ARHGAP44: variants seen among roughly 807,000 people sequenced by gnomAD.
The protein encoded by ARHGAP44 is rho GTPase-activating protein 44.
Under a neutral mutation model 106.8 loss-of-function variants are expected in ARHGAP44, and 43 were observed. That is an observed-to-expected ratio of 0.40 (90% CI 0.32 to 0.52). The LOEUF is 0.52. ARHGAP44 is among the 20% of genes least tolerant of loss of function. ARHGAP44 has a pLI of 0.48. For synonymous variants in ARHGAP44, 439 were observed against 410.3 expected (o/e 1.07, Z -0.85); for missense variants, 866 against 1,050.5 (o/e 0.82, Z 2.43).
chr17:12,886,103 C>T (rs188167807), intron 1 of ARHGAP44, among the ~76,000 whole-genome samples: 10 of 152,206 alleles, frequency 6.6e-5, no homozygotes, highest in African/African-American at 2.2e-4. Context: ...TATCCTTCCT[C>T]CATTGAATTG....
At chr17:12,813,503 A>G (rs1022525451) in intron 1 of ARHGAP44, among the ~76,000 whole-genome samples, 20 of 152,228 alleles carry the variant, frequency 1.3e-4, no homozygotes, top group African/African-American at 4.1e-4. Context: ...CTGTATGCAC[A>G]TAAACATGCA....
At chr17:12,905,100 G>C (rs1248445048) in intron 3 of ARHGAP44, among the ~76,000 whole-genome samples, 1 of 148,418 alleles carries the variant, frequency 6.7e-6, no homozygotes, top group Admixed American at 6.8e-5. Context: ...TTTTAGAAGA[G>C]ACGGGGTTTC....
At chr17:12,821,194 G>A (rs569660597) in intron 1 of ARHGAP44, among the ~76,000 whole-genome samples, 3 of 152,284 alleles carry the variant, frequency 2.0e-5, no homozygotes, top group African/African-American at 7.2e-5. Context: ...GGACAGTTGT[G>A]CAACTCAGCA....
chr17:12,925,800 A>G (rs989350777), intron 6 of ARHGAP44, among the ~76,000 whole-genome samples: 1 of 152,216 alleles, frequency 6.6e-6, no homozygotes, highest in African/African-American at 2.4e-5. Flanking sequence ...CCTCTGACAG[A>G]GCAGCCCAAC....
chr17:12,850,090 A>G (rs1456392250), intron 1 of ARHGAP44, among the ~76,000 whole-genome samples: 1 of 152,180 alleles, frequency 6.6e-6, no homozygotes, highest in African/African-American at 2.4e-5. Flanking sequence ...ACATATAAAG[A>G]CTTGTCAAAG....
chr17:12,939,452 A>T (rs1248906332), intron 7 of ARHGAP44, among the ~76,000 whole-genome samples: 1 of 152,068 alleles, frequency 6.6e-6, no homozygotes, highest in East Asian at 1.9e-4. Flanking sequence ...AGTGAATGTT[A>T]ACTTCTTTAT....
At chr17:12,888,625 T>G (rs907785295) in intron 1 of ARHGAP44, among the ~76,000 whole-genome samples, 5 of 152,192 alleles carry the variant, frequency 3.3e-5, no homozygotes, top group Admixed American at 6.5e-5. Flanking sequence ...GGTGTTGTGT[T>G]TTTTATATAT....
At chr17:12,947,831 A>T (rs1174582388) in intron 10 of ARHGAP44, among the ~76,000 whole-genome samples, 1 of 152,188 alleles carries the variant, frequency 6.6e-6, no homozygotes. Flanking sequence ...TTACTGATAC[A>T]CTCATCCAAA....
intron 1 of ARHGAP44, among the ~76,000 whole-genome samples, chr17:12,861,727 T>C (rs1369776598): frequency 6.9e-6 from 1 of 144,576 alleles, no homozygotes; most frequent in Non-Finnish European, 1.5e-5. Context: ...CTCCGCCTCC[T>C]GGGTTCAAGC....
At chr17:12,853,555 A>G (rs2035823963) in intron 1 of ARHGAP44, among the ~76,000 whole-genome samples, 1 of 152,236 alleles carries the variant, frequency 6.6e-6, no homozygotes, top group Admixed American at 6.5e-5. Flanking sequence ...ATGTGAGGAC[A>G]GCAAGAATGA....
At chr17:12,878,643 C>T (rs547645074) in intron 1 of ARHGAP44, among the ~76,000 whole-genome samples, 1 of 152,286 alleles carries the variant, frequency 6.6e-6, no homozygotes, top group South Asian at 2.1e-4. Context: ...GCTGCGTTTC[C>T]TTGAAGGTTA....
chr17:12,969,793 AATAC>A (rs1210207652), intron 16 of ARHGAP44, among the ~76,000 whole-genome samples: 1 of 152,224 alleles, frequency 6.6e-6, no homozygotes, highest in Non-Finnish European at 1.5e-5. Flanking sequence ...GGACATGCTA[AATAC>A]ATCTCAGCAC....
intron 1 of ARHGAP44, among the ~76,000 whole-genome samples, chr17:12,866,068 A>C (rs1274329958): frequency 6.6e-6 from 1 of 152,142 alleles, no homozygotes; most frequent in African/African-American, 2.4e-5. Context: ...GGTGGAAGAC[A>C]CTGGAAAAGT....
rs369409271 is a variant in ARHGAP44 at position 12,981,543 on chromosome 17, G to A, written c.1939+1310G>A. Among the ~76,000 whole-genome samples, 269 of 152,000 alleles carry A rather than the reference G, an allele frequency of 1.8e-3. 1 individual carries two copies. Among genetic ancestry groups the A allele is most frequent in the African/African-American group, 6.1e-3 (252 of 41,520 alleles). On this transcript the variant is annotated intron_variant, in intron 19 of 20. Transcript: ENST00000379672. ...CTCCCAAGTAGCTGAAATTAAAGGC[G>A]TCTACCACCACACCTGGCTAATTTT...
At chr17:12,947,903 G>A (rs1445971196) in intron 10 of ARHGAP44, among the ~76,000 whole-genome samples, 1 of 152,160 alleles carries the variant, frequency 6.6e-6, no homozygotes, top group Non-Finnish European at 1.5e-5. Context: ...TGTATCTGAT[G>A]TACCCTATAT....
At chr17:12,875,135 C>A (rs1295820432) in intron 1 of ARHGAP44, among the ~76,000 whole-genome samples, 1 of 152,166 alleles carries the variant, frequency 6.6e-6, no homozygotes, top group Non-Finnish European at 1.5e-5. Flanking sequence ...GATTGCTTGA[C>A]CCCACTCCCA....
chr17:12,908,116 C>T (rs910139890), intron 3 of ARHGAP44, among the ~76,000 whole-genome samples: 3 of 151,082 alleles, frequency 2.0e-5, no homozygotes, highest in Non-Finnish European at 4.4e-5. Context: ...TCTTTATTTT[C>T]ATGCTTACTC....
intron 2 of ARHGAP44, among the ~76,000 whole-genome samples, chr17:12,895,426 A>G (rs1000122206): frequency 4.6e-5 from 7 of 152,086 alleles, no homozygotes; most frequent in Non-Finnish European, 1.0e-4. Flanking sequence ...TTTGATTTGC[A>G]TTTCTCTGGT....
chr17:12,958,852 G>C lies in ARHGAP44; in HGVS notation c.1478G>C (p.Ser493Thr), dbSNP rs2039191122. ...CCCGAGCAGGCCCGCCGGCCCCTCA[G>C]CGTCGCCACGGATAATATGATGCTG... ...RQPEQARRPL[S>T]VATDNMMLEF... Residue 493 changes from serine to threonine, a missense_variant, in exon 16 of 21, where the codon AGC (serine) becomes ACC (threonine). Transcript: ENST00000379672. This position sits in a 1 kb window ranked among gnomAD's most constrained non-coding sequence, Gnocchi z 4.1. 2 of 1,611,876 alleles carry C rather than the reference G, an allele frequency of 1.2e-6. No individual in the cohort carries two copies. The highest frequency in any genetic ancestry group is 2.2e-5 in the East Asian group (1 of 44,860).
Sources: gnomAD v4.1 joint callset for allele counts (sites outside exome capture counted in the v4.1 genomes callset) on GRCh38, gnomAD v4.1.1 for gene constraint, Gnocchi (gnomAD v3.1) non-coding constraint, MANE v1.5 for transcripts, NCBI Gene and HGNC (gene_info 2026-07-23, HGNC 2026-07-21) for gene names.